NDST4: variants seen among roughly 807,000 people sequenced by gnomAD.
NDST4 encodes the protein N-heparan sulfate sulfotransferase 4.
NDST4 carries 63 observed loss-of-function variants against 100.8 expected under a neutral mutation model. The ratio of observed to expected loss-of-function variants is 0.62; its 90% CI spans 0.51 to 0.77. The LOEUF is 0.77. NDST4 is among the 30% of genes least tolerant of loss of function. NDST4 has a pLI of 0.00. For synonymous variants in NDST4, 377 were observed against 361.8 expected (o/e 1.04, Z -0.48); for missense variants, 943 against 1,018.4 (o/e 0.93, Z 1.01).
At chr4:114,971,213 C>A (rs1254408524) in intron 3 of NDST4, among the ~76,000 whole-genome samples, 1 of 151,934 alleles carries the variant, frequency 6.6e-6, no homozygotes, top group Non-Finnish European at 1.5e-5. Context: ...TTATACATAT[C>A]AAATTTCCCA....
At chr4:114,904,344 C>T (rs967632554) in intron 6 of NDST4, among the ~76,000 whole-genome samples, 5 of 151,778 alleles carry the variant, frequency 3.3e-5, no homozygotes, top group Non-Finnish European at 4.4e-5. Context: ...AAGCAAGGTA[C>T]AGAAAGAGAA....
At chr4:114,916,485 A>C (rs1253553641) in intron 6 of NDST4, among the ~76,000 whole-genome samples, 2 of 151,114 alleles carry the variant, frequency 1.3e-5, no homozygotes, top group Non-Finnish European at 2.9e-5. Flanking sequence ...AATTAAAGTA[A>C]AAATTTTAAG....
intron 6 of NDST4, among the ~76,000 whole-genome samples, chr4:114,891,434 C>T (rs866667254): frequency 4.6e-5 from 7 of 151,922 alleles, no homozygotes; most frequent in Non-Finnish European, 8.8e-5. Context: ...GGTTTTCTTC[C>T]CAAACCAACT....
rs114000661 is a variant in NDST4, at chr4:114,956,518, G to A, written c.1221+13912C>T. On this transcript the variant is annotated intron_variant, in intron 4 of 13. Coordinates refer to ENST00000264363, the MANE Select transcript of NDST4 (RefSeq NM_022569.3). ...AACCAGATAAACAGGTAGCTAAGAGGAACACTCTTTGGGTCAGTAAAAGCC... is the reference window on the plus strand; with the variant it reads ...AACCAGATAAACAGGTAGCTAAGAGAAACACTCTTTGGGTCAGTAAAAGCC... Among the ~76,000 whole-genome samples, 1,342 of 152,234 alleles carry A rather than the reference G, an allele frequency of 8.8e-3. 6 individuals are homozygous for A. The highest frequency in any genetic ancestry group is 0.013 in the Non-Finnish European group (913 of 68,002).
chr4:115,044,862 T>A (rs891988373), intron 2 of NDST4, among the ~76,000 whole-genome samples: 4 of 151,688 alleles, frequency 2.6e-5, no homozygotes, highest in African/African-American at 4.8e-5. Context: ...TTTAAACCAA[T>A]TAATAATCAC....
intron 1 of NDST4, among the ~76,000 whole-genome samples, chr4:115,080,447 C>A (rs1457754518): frequency 6.6e-6 from 1 of 152,068 alleles, no homozygotes; most frequent in African/African-American, 2.4e-5. Context: ...AAATGAAATT[C>A]TTTAATGTAA....
rs72899293 is a variant in NDST4 at position 114,892,981 on chromosome 4, G to A, written c.1537-22031C>T. ...CAATATTTGACTCCTGTTTGTGAGT[G>A]AGAACATGGTGTGTTTGGTTTTCTG... On this transcript the variant is annotated intron_variant, in intron 6 of 13. Coordinates refer to ENST00000264363, the MANE Select transcript of NDST4 (RefSeq NM_022569.3). 1.4e-3 allele frequency among the ~76,000 whole-genome samples: 213 copies of A among 152,164 alleles called. 1 individual carries two copies. The highest frequency in any genetic ancestry group is 5.0e-3 in the African/African-American group (209 of 41,528).
chr4:114,952,861 G>A lies in NDST4; in HGVS notation c.1222-15358C>T, dbSNP rs534878229. Among the ~76,000 whole-genome samples the A allele has an allele frequency of 6.6e-5, 10 of 151,974 alleles. No individual in the cohort carries two copies. The East Asian group carries it at 1.9e-3, about 29-fold the overall frequency. ...ACCTCAATTTTCCATGCTAATCTAAGCTTTATGCAATAAGATCTCAATACC... is the reference window on the plus strand; with the variant it reads ...ACCTCAATTTTCCATGCTAATCTAAACTTTATGCAATAAGATCTCAATACC... On this transcript the variant is annotated intron_variant, in intron 4 of 13. Coordinates refer to ENST00000264363, the MANE Select transcript of NDST4 (RefSeq NM_022569.3).
intron 7 of NDST4, among the ~76,000 whole-genome samples, chr4:114,863,942 G>T (rs17622486): frequency 6.6e-6 from 1 of 151,968 alleles, no homozygotes; most frequent in Non-Finnish European, 1.5e-5. Flanking sequence ...TTGCAAATTC[G>T]CAATCAAGCT....
At chr4:115,005,987 G>A (rs1391791355) in intron 2 of NDST4, among the ~76,000 whole-genome samples, 1 of 137,740 alleles carries the variant, frequency 7.3e-6, no homozygotes, top group East Asian at 2.1e-4. Context: ...AGCTGAGATC[G>A]CGTCACTGCA....
intron 2 of NDST4, among the ~76,000 whole-genome samples, chr4:115,001,725 G>A (rs78096386): frequency 0.018 from 2,795 of 152,154 alleles, 98 homozygotes; most frequent in African/African-American, 0.064. Flanking sequence ...CAACATAGCA[G>A]TCAGCTGTAT....
chr4:115,074,667 T>C (rs1343388356), intron 2 of NDST4, among the ~76,000 whole-genome samples: 1 of 152,130 alleles, frequency 6.6e-6, no homozygotes, highest in Non-Finnish European at 1.5e-5. Flanking sequence ...ACATATACTT[T>C]GAAGGTTTTT....
chr4:114,984,171 T>C (rs937499246), intron 2 of NDST4, among the ~76,000 whole-genome samples: 87 of 151,526 alleles, frequency 5.7e-4, no homozygotes, highest in African/African-American at 2.1e-3. Context: ...TTTATTTATT[T>C]ATTTATTTAT....
At position 115,010,432 on chromosome 4, in the gene NDST4, A is replaced by G. The variant is rs1183270909; in HGVS notation, c.979-33158T>C. Among the ~76,000 whole-genome samples the G allele has an allele frequency of 1.6e-5, 2 of 128,750 alleles. 1 individual carries two copies. The highest frequency in any genetic ancestry group is 5.9e-5 in the African/African-American group (2 of 33,862). The allele number at this position is 128,750 out of a possible 152,430, so 84.5% of individuals were successfully genotyped here. A position where few individuals can be genotyped will look rare whatever the true frequency, so the allele number is the denominator to read the frequency against. On this transcript the variant is annotated intron_variant, in intron 2 of 13. Coordinates refer to ENST00000264363, the MANE Select transcript of NDST4 (RefSeq NM_022569.3). ...ATCATCATTCTCAGTAAGCTATCGC[A>G]AGAACAAAAAAACAAACACCGCATA...
At chr4:114,944,609 C>T (rs1338394181) in intron 4 of NDST4, among the ~76,000 whole-genome samples, 2 of 152,164 alleles carry the variant, frequency 1.3e-5, no homozygotes, top group Non-Finnish European at 2.9e-5. Context: ...ATCCTAGGAA[C>T]ACAGATTAAC....
chr4:114,828,792 T>C (rs981840961), intron 13 of NDST4, among the ~76,000 whole-genome samples: 14 of 152,132 alleles, frequency 9.2e-5, no homozygotes, highest in African/African-American at 3.4e-4. Flanking sequence ...AGATCCACCA[T>C]CTCTCTTAAG....
chr4:114,908,582 T>C (rs1298907778), intron 6 of NDST4, among the ~76,000 whole-genome samples: 3 of 152,144 alleles, frequency 2.0e-5, no homozygotes, highest in Non-Finnish European at 4.4e-5. Flanking sequence ...ATTTTACTGA[T>C]TAGCAGCTGC....
At chr4:114,992,430 G>T (rs1340158933) in intron 2 of NDST4, among the ~76,000 whole-genome samples, 1 of 151,724 alleles carries the variant, frequency 6.6e-6, no homozygotes, top group Non-Finnish European at 1.5e-5. Flanking sequence ...ATTTATGAAT[G>T]AATGTTAACA....
intron 2 of NDST4, among the ~76,000 whole-genome samples, chr4:115,055,504 T>C (rs1359642626): frequency 1.3e-5 from 2 of 152,080 alleles, no homozygotes; most frequent in Non-Finnish European, 2.9e-5. Context: ...GTGTTACTGA[T>C]ATGTATAAAT....
Sources: allele counts gnomAD v4.1 joint callset (sites outside exome capture counted in the v4.1 genomes callset), GRCh38; gene constraint gnomAD v4.1.1; transcripts MANE v1.5; gene names NCBI Gene and HGNC (gene_info 2026-07-23, HGNC 2026-07-21).